The following RBMS3 variants were observed in gnomAD, a reference collection of about 807,000 sequenced individuals.
The protein encoded by RBMS3 is RNA binding motif single stranded interacting protein 3.
A neutral mutation model predicts 66.8 loss-of-function variants in RBMS3; 27 were observed. The ratio of observed to expected loss-of-function variants is 0.40; its 90% CI spans 0.30 to 0.56. The LOEUF (loss-of-function observed/expected upper bound fraction) is 0.56. RBMS3 is among the 20% of genes least tolerant of loss of function. RBMS3 has a pLI of 0.40. For synonymous variants in RBMS3, 188 were observed against 183.0 expected, an observed-to-expected ratio of 1.03 and a Z score of -0.22; for missense variants, 513 against 549.5, an observed-to-expected ratio of 0.93 and a Z score of 0.66.
chr3:29,354,725 C>T (rs1187894131), intron 1 of RBMS3, among the ~76,000 whole-genome samples: 1 of 152,050 alleles, frequency 6.6e-6, no homozygotes, highest in African/African-American at 2.4e-5. Flanking sequence ...TTGCCAACAT[C>T]AGGACACCTA....
intron 1 of RBMS3, among the ~76,000 whole-genome samples, chr3:29,430,334 G>T (rs769702927): frequency 4.6e-5 from 7 of 151,294 alleles, no homozygotes; most frequent in African/African-American, 1.7e-4. Flanking sequence ...TAGAATTTAC[G>T]AACAAGGATA....
chr3:29,300,524 A>G (rs2033604160), intron 1 of RBMS3, among the ~76,000 whole-genome samples: 1 of 152,022 alleles, frequency 6.6e-6, no homozygotes, highest in South Asian at 2.1e-4. Flanking sequence ...CCATACTGTT[A>G]GAATTTAAAA....
chr3:29,897,598 T>A, intron 9 of RBMS3, 123 bp downstream of exon 9: 2 of 816,276 alleles, frequency 2.5e-6, no homozygotes, highest in Non-Finnish European at 4.1e-6. Flanking sequence ...CACATCTTAA[T>A]GTAATAATAC....
chr3:29,967,477 A>G (rs1031923635), intron 12 of RBMS3, among the ~76,000 whole-genome samples: 3 of 151,976 alleles, frequency 2.0e-5, no homozygotes, highest in African/African-American at 7.3e-5. Context: ...TTGTATTTTT[A>G]GTAGAGACGG....
At chr3:29,529,117 A>C (rs1389273596) in intron 3 of RBMS3, among the ~76,000 whole-genome samples, 1 of 152,164 alleles carries the variant, frequency 6.6e-6, no homozygotes, top group Non-Finnish European at 1.5e-5. Flanking sequence ...GAAAAAATAA[A>C]ATCTGTCATT....
chr3:30,000,387 C>T (rs537334786), intron 14 of RBMS3, among the ~76,000 whole-genome samples: 1 of 152,240 alleles, frequency 6.6e-6, no homozygotes, highest in East Asian at 1.9e-4. Context: ...AGTCAGGAAA[C>T]AACAGATGCT....
At chr3:29,789,368 A>G (rs1178236659) in intron 6 of RBMS3, among the ~76,000 whole-genome samples, 1 of 152,064 alleles carries the variant, frequency 6.6e-6, no homozygotes, top group Non-Finnish European at 1.5e-5. Flanking sequence ...TAATTTTTTG[A>G]AGCCATCTAG....
rs556573616 is a variant in RBMS3, at chr3:29,513,039, G to A, written c.307+24540G>A. Among the ~76,000 whole-genome samples the A allele has an allele frequency of 2.6e-5, 4 of 152,136 alleles. No individual in the cohort carries two copies. The South Asian group carries it at 8.3e-4, about 31-fold the overall frequency. On this transcript the variant is annotated intron_variant, in intron 3 of 14. Transcript: ENST00000383767. The stretch of plus-strand genomic sequence containing the variant: ...AAAAGGGCCCTATTATTTTCAGCAA[G>A]ACCCCTCAGCAGCAGTTCCAAAGGA...
At chr3:29,984,556 A>C (rs111807884) in intron 12 of RBMS3, among the ~76,000 whole-genome samples, 6 of 151,884 alleles carry the variant, frequency 4.0e-5, no homozygotes, top group African/African-American at 1.5e-4. Flanking sequence ...GGATTTATCT[A>C]CCTTTAGTCT....
chr3:29,638,801 G>C (rs2049569463), intron 4 of RBMS3, among the ~76,000 whole-genome samples: 1 of 151,794 alleles, frequency 6.6e-6, no homozygotes, highest in Non-Finnish European at 1.5e-5. Context: ...TATAGGAAAG[G>C]TTGAAAAACT....
chr3:29,951,979 A>G (rs1695711629), intron 12 of RBMS3, among the ~76,000 whole-genome samples: 1 of 151,828 alleles, frequency 6.6e-6, no homozygotes, highest in Admixed American at 6.6e-5. Context: ...TTCTATTTCT[A>G]AACTTCTTGA....
Position 29,983,761 on chromosome 3 carries a change from G to T in RBMS3, c.1099-4382G>T, listed in dbSNP as rs201007075. Among the ~76,000 whole-genome samples, 6 of 151,710 alleles carry T rather than the reference G, an allele frequency of 4.0e-5. No homozygotes were observed. In the East Asian group the frequency reaches 9.8e-4, roughly 25 times the overall value. On this transcript the variant is annotated intron_variant, in intron 12 of 14. Coordinates refer to ENST00000383767, the MANE Select transcript of RBMS3 (RefSeq NM_001003793.3). ...GCCACCATTCTCTTCTGGCTTGTAG[G>T]GTTTCTTCAGAGAGATCCACTGTTA...
intron 2 of RBMS3, among the ~76,000 whole-genome samples, chr3:29,479,994 T>C (rs901201827): frequency 2.6e-5 from 4 of 152,190 alleles, no homozygotes; most frequent in Admixed American, 2.6e-4. Context: ...AAAAATACTT[T>C]CAGAGAAAAG....
At chr3:29,566,870 G>C (rs909547840) in intron 3 of RBMS3, among the ~76,000 whole-genome samples, 4 of 151,992 alleles carry the variant, frequency 2.6e-5, no homozygotes, top group African/African-American at 9.7e-5. Context: ...TCAACAAACT[G>C]TACACTGAAA....
chr3:29,861,156 T>C (rs2059206478), intron 6 of RBMS3, among the ~76,000 whole-genome samples: 1 of 152,236 alleles, frequency 6.6e-6, no homozygotes, highest in Admixed American at 6.5e-5. Flanking sequence ...AAAATTTTTC[T>C]TTAAAGGTAG....
intron 1 of RBMS3, among the ~76,000 whole-genome samples, chr3:29,320,623 G>T (rs988715096): frequency 6.6e-6 from 1 of 151,984 alleles, no homozygotes; most frequent in African/African-American, 2.4e-5. Context: ...GGATTTGCTA[G>T]CAGATTGAAT....
At chr3:29,743,877 T>A (rs2054750537) in intron 5 of RBMS3, among the ~76,000 whole-genome samples, 1 of 146,644 alleles carries the variant, frequency 6.8e-6, no homozygotes, top group African/African-American at 2.5e-5. Flanking sequence ...GTATATCTCC[T>A]AATGCTATCC....
intron 3 of RBMS3, among the ~76,000 whole-genome samples, chr3:29,512,420 C>T (rs553921546): frequency 1.3e-5 from 2 of 152,174 alleles, no homozygotes; most frequent in South Asian, 4.1e-4. Flanking sequence ...ATAAATGTTG[C>T]ATTAATCCTT....
chr3:29,646,776 G>T (rs919369899), intron 4 of RBMS3, among the ~76,000 whole-genome samples: 1 of 150,716 alleles, frequency 6.6e-6, no homozygotes, highest in African/African-American at 2.4e-5. Flanking sequence ...CTAGGTGATA[G>T]AGGGAAAAAA....
Sources: allele counts gnomAD v4.1 joint callset (sites outside exome capture counted in the v4.1 genomes callset), GRCh38; gene constraint gnomAD v4.1.1; transcripts MANE v1.5; gene names NCBI Gene and HGNC (gene_info 2026-07-23, HGNC 2026-07-21).